The following DLC1 variants were observed in gnomAD, a reference collection of about 807,000 sequenced individuals.
The protein encoded by DLC1 is rho GTPase-activating protein 7.
A neutral mutation model predicts 140.3 loss-of-function variants in DLC1; 54 were observed. The observed-to-expected ratio is 0.38, with a 90% CI of 0.31 to 0.48. The LOEUF is 0.48. Among genes scored for constraint, DLC1 ranks in the 20% least tolerant of loss-of-function variants. The probability of loss-of-function intolerance (pLI) is 0.96; values close to 1 mark genes in which losing one functional copy is unlikely to be tolerated. For synonymous variants in DLC1, 986 were observed against 728.1 expected, an observed-to-expected ratio of 1.35 and a Z score of -5.70; for missense variants, 2,536 against 1,907.0, an observed-to-expected ratio of 1.33 and a Z score of -6.14.
intron 5 of DLC1, among the ~76,000 whole-genome samples, chr8:13,150,155 A>G (rs1044022418): frequency 2.0e-5 from 3 of 152,190 alleles, no homozygotes; most frequent in African/African-American, 4.8e-5. Context: ...GCTTAAAAGA[A>G]ATGGAGAAGA....
chr8:13,270,807 A>T (rs1480728839), intron 5 of DLC1, among the ~76,000 whole-genome samples: 1 of 152,202 alleles, frequency 6.6e-6, no homozygotes, highest in African/African-American at 2.4e-5. Context: ...TGTCATGCTA[A>T]CAAGGTGAAG....
chr8:13,352,481 A>T (rs1359508909), intron 4 of DLC1, among the ~76,000 whole-genome samples: 1 of 152,082 alleles, frequency 6.6e-6, no homozygotes, highest in Non-Finnish European at 1.5e-5. Context: ...TCCTGGGCTC[A>T]AGCAGTCCTC....
intron 2 of DLC1, among the ~76,000 whole-genome samples, chr8:13,496,225 C>T (rs1389768636): frequency 6.6e-6 from 1 of 152,214 alleles, no homozygotes; most frequent in East Asian, 1.9e-4. Flanking sequence ...TAGATTAGAA[C>T]TCTTGTTAAT....
chr8:13,409,668 G>A (rs1837703618), intron 2 of DLC1, among the ~76,000 whole-genome samples: 1 of 152,052 alleles, frequency 6.6e-6, no homozygotes, highest in South Asian at 2.1e-4. Context: ...TATATCAGAC[G>A]AAACCCTTGG....
intron 1 of DLC1, among the ~76,000 whole-genome samples, chr8:13,566,316 G>C (rs1334388594): frequency 3.3e-5 from 5 of 152,152 alleles, no homozygotes; most frequent in Non-Finnish European, 4.4e-5. Flanking sequence ...CAAAAGGCCA[G>C]AGAAACTGAT....
intron 2 of DLC1, among the ~76,000 whole-genome samples, chr8:13,430,092 T>C (rs1395872537): frequency 6.6e-6 from 1 of 152,150 alleles, no homozygotes; most frequent in Non-Finnish European, 1.5e-5. Flanking sequence ...GTGGGAATGG[T>C]ATATAGGCAT....
At chr8:13,370,368 GTGAC>G (rs892686877) in intron 4 of DLC1, among the ~76,000 whole-genome samples, 1 of 152,102 alleles carries the variant, frequency 6.6e-6, no homozygotes, top group Non-Finnish European at 1.5e-5. Context: ...CATTTGTTGA[GTGAC>G]TGACTGACTG....
intron 5 of DLC1, among the ~76,000 whole-genome samples, chr8:13,262,966 T>C (rs1316305681): frequency 6.6e-6 from 1 of 152,186 alleles, no homozygotes; most frequent in Non-Finnish European, 1.5e-5. Context: ...TAAGACATGA[T>C]GGTTTGCTTA....
intron 4 of DLC1, chr8:13,338,831 C>A (rs933901297): frequency 1.9e-4 from 29 of 152,126 alleles, no homozygotes; most frequent in Non-Finnish European, 3.8e-4. Context: ...CAATAAATAG[C>A]CTTTGTCTTT....
At chr8:13,144,541 A>T (rs1208872664) in intron 5 of DLC1, among the ~76,000 whole-genome samples, 2 of 152,146 alleles carry the variant, frequency 1.3e-5, no homozygotes, top group Non-Finnish European at 2.9e-5. Flanking sequence ...CGAGGCAGGC[A>T]GATCACGAGA....
At chr8:13,351,129 C>G (rs1182228021) in intron 4 of DLC1, among the ~76,000 whole-genome samples, 1 of 152,148 alleles carries the variant, frequency 6.6e-6, no homozygotes, top group Non-Finnish European at 1.5e-5. Context: ...AAAATTCTTT[C>G]TAAATATTTT....
At chr8:13,280,595 C>G (rs1586063700) in intron 5 of DLC1, among the ~76,000 whole-genome samples, 1 of 152,110 alleles carries the variant, frequency 6.6e-6, no homozygotes, top group Admixed American at 6.5e-5. Flanking sequence ...TTACTGCAAA[C>G]AAAATTTTTA....
chr8:13,105,237 T>A (rs1819463345), intron 7 of DLC1, among the ~76,000 whole-genome samples: 1 of 152,180 alleles, frequency 6.6e-6, no homozygotes, highest in Non-Finnish European at 1.5e-5. Flanking sequence ...CTAATGGCAT[T>A]ACAGACCTAA....
At chr8:13,529,338 A>C (rs148737319) in intron 1 of DLC1, among the ~76,000 whole-genome samples, 31 of 152,324 alleles carry the variant, frequency 2.0e-4, no homozygotes, top group African/African-American at 7.2e-4. Flanking sequence ...TTAGACATGC[A>C]TTATACCCTA....
intron 2 of DLC1, among the ~76,000 whole-genome samples, chr8:13,409,849 A>G (rs1837712680): frequency 6.6e-6 from 1 of 152,156 alleles, no homozygotes; most frequent in South Asian, 2.1e-4. Context: ...TCTACGTGCT[A>G]AGGTTCATGT....
intron 1 of DLC1, among the ~76,000 whole-genome samples, chr8:13,595,711 A>T (rs1254939062): frequency 6.6e-6 from 1 of 152,048 alleles, no homozygotes; most frequent in African/African-American, 2.4e-5. Context: ...AAGATTACTA[A>T]TTGTGAAAAT....
chr8:13,519,322 G>A (rs180875352), upstream of DLC1, among the ~76,000 whole-genome samples: 99 of 152,178 alleles, frequency 6.5e-4, no homozygotes, highest in African/African-American at 2.3e-3. Flanking sequence ...TAGAGACGGG[G>A]TTTCACCGTG....
intron 4 of DLC1, among the ~76,000 whole-genome samples, chr8:13,345,423 G>C (rs1402650973): frequency 1.3e-5 from 2 of 152,010 alleles, no homozygotes; most frequent in Non-Finnish European, 2.9e-5. Context: ...CCTGGGAGTG[G>C]CAATGAGGGA....
At chr8:13,144,239 T>C (rs772865904) in intron 5 of DLC1, among the ~76,000 whole-genome samples, 2 of 152,212 alleles carry the variant, frequency 1.3e-5, no homozygotes, top group Non-Finnish European at 2.9e-5. Flanking sequence ...CATCTTGTCA[T>C]GTCCTTGGAC....
Sources: allele counts gnomAD v4.1 joint callset (sites outside exome capture counted in the v4.1 genomes callset), GRCh38; gene constraint gnomAD v4.1.1; transcripts MANE v1.5; gene names NCBI Gene and HGNC (gene_info 2026-07-23, HGNC 2026-07-21).